The following COL5A1 variants were observed in gnomAD, a reference collection of about 807,000 sequenced individuals.
COL5A1 encodes collagen type V alpha 1 chain, also known as collagen alpha-1(V) chain.
A neutral mutation model predicts 263.7 loss-of-function variants in COL5A1; 16 were observed. The observed-to-expected ratio is 0.06, with a 90% CI of 0.04 to 0.09. COL5A1 has a LOEUF of 0.09. COL5A1 is among the 10% of genes least tolerant of loss of function. The probability of loss-of-function intolerance (pLI) is 1.00; values close to 1 mark genes in which losing one functional copy is unlikely to be tolerated. For synonymous variants in COL5A1, 1,012 were observed against 1,004.5 expected (o/e 1.01, Z -0.14); for missense variants, 2,036 against 2,540.5 (o/e 0.80, Z 4.27).
chr9:134,738,646 G>A (rs1835189919), intron 10 of COL5A1, 100 bp from the exon 11 acceptor site: 9 of 1,514,222 alleles, frequency 5.9e-6, no homozygotes, highest in South Asian at 1.1e-5. Context: ...GGGAGCCGGC[G>A]CTATCCCACC....
At chr9:134,687,692 G>A (rs192478774) in intron 1 of COL5A1, among the ~76,000 whole-genome samples, 4 of 152,306 alleles carry the variant, frequency 2.6e-5, no homozygotes, top group South Asian at 2.1e-4. Context: ...GAGACCACAC[G>A]CGTGATGCCA....
At chr9:134,712,953 CA>C (rs367812212) in intron 4 of COL5A1, among the ~76,000 whole-genome samples, 15 of 152,260 alleles carry the variant, frequency 9.9e-5, no homozygotes, top group African/African-American at 3.4e-4. Flanking sequence ...GACCAGGCTG[CA>C]GCCGGGGACT....
intron 1 of COL5A1, among the ~76,000 whole-genome samples, chr9:134,667,307 A>G (rs1394909512): frequency 6.6e-6 from 1 of 152,134 alleles, no homozygotes; most frequent in East Asian, 1.9e-4. Context: ...TGGGCACTGG[A>G]GGTTTGGAAA....
rs1393630635 is a variant in COL5A1, at chr9:134,814,803, A to C, written c.3913A>C (p.Lys1305Gln). 3.9e-6 allele frequency: 6 copies of C among 1,551,572 alleles called. No homozygotes were observed. Among genetic ancestry groups the C allele is most frequent in the Non-Finnish European group, 5.2e-6 (6 of 1,147,024 alleles). Residue 1305 changes from lysine to glutamine, a missense_variant, in exon 50 of 66, where the codon AAA (lysine) becomes CAA (glutamine). By Grantham distance (53) the Lys-to-Gln change is moderately conservative. Transcript: ENST00000371817. ...ACTGGCCTCTTTCCTCCAGGGACCC[A>C]AAGGAGAAAGGGGAGAGAAGGGCGA... ...LPGEGGPPGP[K>Q]GERGEKGESG...
At chr9:134,733,537 G>A (rs1239402155) in intron 9 of COL5A1, among the ~76,000 whole-genome samples, 1 of 152,198 alleles carries the variant, frequency 6.6e-6, no homozygotes, top group African/African-American at 2.4e-5. Context: ...CTTGTCTGAG[G>A]CAGAAGGGTC....
chr9:134,771,173 G>C (rs768863693), intron 25 of COL5A1, among the ~76,000 whole-genome samples: 1 of 152,264 alleles, frequency 6.6e-6, no homozygotes. Context: ...TCGAGCAGCC[G>C]GGGCTGGGTC....
chr9:134,774,271 G>T (rs1046505576), intron 26 of COL5A1, among the ~76,000 whole-genome samples: 7 of 152,228 alleles, frequency 4.6e-5, no homozygotes, highest in African/African-American at 1.7e-4. Flanking sequence ...TCCTGCCTGG[G>T]AGCTCCAGCC....
rs766358746 is a variant in COL5A1, at chr9:134,758,228, C to T, written c.1882-15C>T. 1.2e-6 allele frequency: 2 copies of T among 1,613,996 alleles called. No individual in the cohort carries two copies. Among genetic ancestry groups the T allele is most frequent in the Admixed American group, 1.7e-5 (1 of 60,014 alleles). ...CAGGGTGGCGTCTGAGGCAGCCTTT[C>T]TGTCCTTTTTGCAGGGTGACCGGGG... On this transcript the variant is annotated splice_polypyrimidine_tract_variant and intron_variant, in intron 17 of 65. Coordinates refer to ENST00000371817, the MANE Select transcript of COL5A1 (RefSeq NM_000093.5). The surrounding 1 kb of genome is among the most constrained non-coding windows in gnomAD (Gnocchi z 4.1).
intron 25 of COL5A1, 118 bp downstream of exon 25, chr9:134,768,581 T>G (rs2132731763): frequency 9.4e-7 from 1 of 1,068,616 alleles, no homozygotes; most frequent in East Asian, 2.4e-5. Context: ...ATTCTGGCTC[T>G]GTTGATGAAG....
rs1839803211 is a variant in COL5A1, at chr9:134,835,113, A to C, written c.5279A>C (p.Tyr1760Ser). ...VAWQDAATGS[Y>S]DKALRFLGSN... is the part of the protein sequence containing the mutation. Reference sequence around the variant, plus strand: ...TGGCAGGACGCAGCCACGGGCAGCTACGACAAGGCCCTCCGCTTCCTGGGC... The same window carrying C: ...TGGCAGGACGCAGCCACGGGCAGCTCCGACAAGGCCCTCCGCTTCCTGGGC... The change falls in exon 65 of 66, where the codon TAC (tyrosine) becomes TCC (serine). Residue 1760 changes from tyrosine (Y) to serine (S), a missense_variant. This residue lies in a region of COL5A1 where 358 missense variants were observed against 384.6 expected (regional missense o/e 0.93). Coordinates refer to ENST00000371817, the MANE Select transcript of COL5A1 (RefSeq NM_000093.5). The C allele has an allele frequency of 6.2e-7, 1 of 1,613,718 alleles. No individual in the cohort carries two copies. Among genetic ancestry groups the C allele is most frequent in the African/African-American group, 1.3e-5 (1 of 74,942 alleles).
At chr9:134,776,409 T>C (rs1564451607) in intron 27 of COL5A1, among the ~76,000 whole-genome samples, 1 of 152,230 alleles carries the variant, frequency 6.6e-6, no homozygotes, top group East Asian at 1.9e-4. Flanking sequence ...GCTCTTATCT[T>C]GCCTATCTGA....
intron 63 of COL5A1, among the ~76,000 whole-genome samples, chr9:134,829,339 C>T (rs10125209): frequency 0.025 from 3,796 of 148,998 alleles, 147 homozygotes; most frequent in African/African-American, 0.07. Flanking sequence ...CCAGTCTCCC[C>T]GAGGGCTGGG....
chr9:134,689,366 G>A (rs1490555729), intron 1 of COL5A1, among the ~76,000 whole-genome samples: 1 of 152,208 alleles, frequency 6.6e-6, no homozygotes. Context: ...GCCAGAGAGC[G>A]GGGAACTGAT....
intron 44 of COL5A1, among the ~76,000 whole-genome samples, chr9:134,811,124 G>C (rs973142650): frequency 2.0e-5 from 3 of 152,158 alleles, no homozygotes; most frequent in African/African-American, 7.2e-5. Context: ...GCAGCTCTTT[G>C]CCATCCAGAA....
intron 1 of COL5A1, among the ~76,000 whole-genome samples, chr9:134,665,455 C>T (rs1057087470): frequency 7.2e-5 from 11 of 152,196 alleles, no homozygotes; most frequent in South Asian, 2.1e-4. Context: ...GAATGTTCGT[C>T]GTAATGGATC....
At chr9:134,668,574 C>T (rs1564375782) in intron 1 of COL5A1, among the ~76,000 whole-genome samples, 1 of 142,452 alleles carries the variant, frequency 7.0e-6, no homozygotes, top group Non-Finnish European at 1.5e-5. Flanking sequence ...ATCCATCCAT[C>T]CATCTATCTA....
At position 134,777,467 on chromosome 9, in the gene COL5A1, A is replaced by G. The variant is rs114223685; in HGVS notation, c.2385+2555A>G. Among the ~76,000 whole-genome samples the G allele has an allele frequency of 3.3e-3, 506 of 152,314 alleles. 4 individuals carry two copies. Among genetic ancestry groups the G allele is most frequent in the African/African-American group, 0.011 (461 of 41,568 alleles). ...CGGACACAGCAGCCCCAATGTCAACAGCCCCGTGGCCAAGAAGCCCTGGGA... is the reference window on the plus strand; with the variant it reads ...CGGACACAGCAGCCCCAATGTCAACGGCCCCGTGGCCAAGAAGCCCTGGGA... On this transcript the variant is annotated intron_variant, in intron 27 of 65. Coordinates refer to ENST00000371817, the MANE Select transcript of COL5A1 (RefSeq NM_000093.5).
chr9:134,802,658 G>A (rs1588566737), intron 38 of COL5A1, among the ~76,000 whole-genome samples: 4 of 152,230 alleles, frequency 2.6e-5, no homozygotes, highest in Admixed American at 1.3e-4. Context: ...CCAGGTGGGG[G>A]AAGAGGGCCA....
intron 32 of COL5A1, among the ~76,000 whole-genome samples, chr9:134,793,749 G>T (rs940669351): frequency 6.6e-6 from 1 of 152,174 alleles, no homozygotes; most frequent in Non-Finnish European, 1.5e-5. Context: ...CCTGTAGAAC[G>T]CCTATCACTG....
Sources: gnomAD v4.1 joint callset for allele counts (sites outside exome capture counted in the v4.1 genomes callset) on GRCh38, gnomAD v4.1.1 for gene constraint, gnomAD v4.1.1 regional missense constraint, Gnocchi (gnomAD v3.1) non-coding constraint, MANE v1.5 for transcripts, NCBI Gene and HGNC (gene_info 2026-07-23, HGNC 2026-07-21) for gene names.